Variants in FANCL observed in about 807,000 individuals in gnomAD.
The protein encoded by FANCL is FA complementation group L, also known as E3 ubiquitin-protein ligase FANCL.
A neutral mutation model predicts 59.4 loss-of-function variants in FANCL; 69 were observed. The observed-to-expected ratio is 1.16, with a 90% CI of 0.96 to 1.42. The LOEUF (loss-of-function observed/expected upper bound fraction) is 1.42. Among genes scored for constraint, FANCL ranks in the 40% most tolerant of loss-of-function variants. The pLI is 0.00. For synonymous variants in FANCL, 180 were observed against 147.1 expected (o/e 1.22, Z -1.62); for missense variants, 519 against 447.2 (o/e 1.16, Z -1.45).
chr2:58,231,314 T>C (rs889114689), intron 2 of FANCL, among the ~76,000 whole-genome samples: 1 of 152,202 alleles, frequency 6.6e-6, no homozygotes, highest in African/African-American at 2.4e-5. Flanking sequence ...TCACACTCTA[T>C]TTCCACACCA....
intron 7 of FANCL, among the ~76,000 whole-genome samples, chr2:58,192,719 T>C (rs1689050368): frequency 6.6e-6 from 1 of 151,862 alleles, no homozygotes; most frequent in Admixed American, 6.6e-5. Context: ...TAGTAGATAA[T>C]GCCTAAAACA....
At chr2:58,197,984 T>A (rs1463820385) in intron 7 of FANCL, among the ~76,000 whole-genome samples, 1 of 152,112 alleles carries the variant, frequency 6.6e-6, no homozygotes, top group African/African-American at 2.4e-5. Flanking sequence ...AAAGTGCTTC[T>A]GCATGTTTAC....
intron 7 of FANCL, among the ~76,000 whole-genome samples, chr2:58,172,376 C>T (rs1386764158): frequency 6.6e-6 from 1 of 152,202 alleles, no homozygotes; most frequent in Non-Finnish European, 1.5e-5. Flanking sequence ...TGACACCTCA[C>T]ATGGCCAGGT....
chr2:58,204,811 A>G (rs865874335), intron 5 of FANCL, among the ~76,000 whole-genome samples: 4 of 152,088 alleles, frequency 2.6e-5, no homozygotes, highest in Middle Eastern at 3.2e-3. Flanking sequence ...CTGACACTTA[A>G]CCTATGCATG....
intron 5 of FANCL, among the ~76,000 whole-genome samples, chr2:58,219,133 T>C (rs1487336197): frequency 4.5e-5 from 1 of 22,314 alleles, no homozygotes; most frequent in Non-Finnish European, 8.4e-5. Context: ...AGAAAGTAAA[T>C]ACATGCTAAA....
intron 12 of FANCL, 57 bp from the exon 13 acceptor site, chr2:58,160,236 T>G: frequency 6.6e-7 from 1 of 1,510,176 alleles, no homozygotes; most frequent in African/African-American, 1.4e-5. Flanking sequence ...TTACAGATAC[T>G]CCAAATGTCA....
chr2:58,175,039 A>G (rs867138103), intron 7 of FANCL, among the ~76,000 whole-genome samples: 1 of 151,942 alleles, frequency 6.6e-6, no homozygotes, highest in Admixed American at 6.6e-5. Flanking sequence ...TCTAGAAGAA[A>G]TGGATAAATT....
At chr2:58,165,693 A>G (rs760912654) in intron 8 of FANCL, 31 bp downstream of exon 8, 1 of 1,613,802 alleles carries the variant, frequency 6.2e-7, no homozygotes, top group Non-Finnish European at 8.5e-7. Flanking sequence ...AAAACACCTA[A>G]AAACAAACCC....
At chr2:58,162,627 C>CT (rs747806073) in intron 11 of FANCL, among the ~76,000 whole-genome samples, 38 of 151,974 alleles carry the variant, frequency 2.5e-4, no homozygotes, top group Admixed American at 8.5e-4. Context: ...AACTGTGGAA[C>CT]TTTAATGTCT....
intron 4 of FANCL, among the ~76,000 whole-genome samples, chr2:58,226,430 G>T (rs1162446942): frequency 1.3e-5 from 2 of 152,012 alleles, no homozygotes; most frequent in East Asian, 3.9e-4. Context: ...TCTCTTCTTA[G>T]ATGTTAAACT....
intron 7 of FANCL, among the ~76,000 whole-genome samples, chr2:58,178,221 C>T (rs540471676): frequency 6.6e-6 from 1 of 152,106 alleles, no homozygotes; most frequent in Non-Finnish European, 1.5e-5. Context: ...TGACTCCTCC[C>T]TAACTCATTT....
At chr2:58,189,700 T>C (rs536211896) in intron 7 of FANCL, among the ~76,000 whole-genome samples, 32 of 152,240 alleles carry the variant, frequency 2.1e-4, no homozygotes, top group African/African-American at 7.2e-4. Flanking sequence ...TGAAGTGAAG[T>C]AATAATGTCA....
intron 5 of FANCL, among the ~76,000 whole-genome samples, chr2:58,208,683 C>A (rs1690827003): frequency 6.6e-6 from 1 of 152,168 alleles, no homozygotes; most frequent in South Asian, 2.1e-4. Context: ...ATCCAAGTTT[C>A]CACTTTTATT....
Position 58,227,910 on chromosome 2 carries a change from A to AGAG in FANCL, c.217-1129_217-1127dup, listed in dbSNP as rs573225884. 4.8e-3 allele frequency among the ~76,000 whole-genome samples: 730 copies of AGAG among 151,978 alleles called. 8 individuals are homozygous for AGAG. Among genetic ancestry groups the AGAG allele is most frequent in the African/African-American group, 0.016 (668 of 41,336 alleles). On this transcript the variant is annotated intron_variant, in intron 3 of 13. Coordinates refer to ENST00000233741, the MANE Select transcript of FANCL (RefSeq NM_018062.4). ...CTTTTTTTAAAGAAGAAGAGAAAGAAGAGGAGGAGGAGGAGGAAGAGAAAA... is the reference window on the plus strand; with the variant it reads ...CTTTTTTTAAAGAAGAAGAGAAAGAAGAGGAGGAGGAGGAGGAGGAAGAGAAAA...
chr2:58,221,158 A>G (rs1331698564), intron 5 of FANCL, among the ~76,000 whole-genome samples: 1 of 152,074 alleles, frequency 6.6e-6, no homozygotes, highest in Non-Finnish European at 1.5e-5. Flanking sequence ...GCTTGCAATC[A>G]GCCTAGGCAA....
intron 7 of FANCL, among the ~76,000 whole-genome samples, chr2:58,188,448 G>T (rs561101064): frequency 8.7e-5 from 13 of 149,714 alleles, no homozygotes; most frequent in African/African-American, 2.7e-4. Flanking sequence ...TTGTTTTTTG[G>T]TTTTTTTTTG....
chr2:58,225,786 C>G (rs745418634), intron 4 of FANCL, among the ~76,000 whole-genome samples: 1 of 151,824 alleles, frequency 6.6e-6, no homozygotes, highest in African/African-American at 2.4e-5. Context: ...TTATAGGACA[C>G]CTAATTTGTT....
chr2:58,239,360 C>T (rs1378096743), intron 1 of FANCL, among the ~76,000 whole-genome samples: 1 of 152,148 alleles, frequency 6.6e-6, no homozygotes, highest in Non-Finnish European at 1.5e-5. Flanking sequence ...GCCAAAAATG[C>T]ATTAGCTGAA....
chr2:58,159,245 G>C (rs1684642867), downstream of FANCL: 2 of 855,954 alleles, frequency 2.3e-6, no homozygotes, highest in East Asian at 2.5e-5. Context: ...GCAAAAACTT[G>C]ATCTTGTATA....
Sources: gnomAD v4.1 joint callset for allele counts (sites outside exome capture counted in the v4.1 genomes callset) on GRCh38, gnomAD v4.1.1 for gene constraint, MANE v1.5 for transcripts, NCBI Gene and HGNC (gene_info 2026-07-23, HGNC 2026-07-21) for gene names.